The following ADAMTS9 variants were observed in gnomAD, a reference collection of about 807,000 sequenced individuals.
ADAMTS9 encodes ADAM metallopeptidase with thrombospondin type 1 motif 9.
In ADAMTS9, 107 loss-of-function variants were observed where a neutral mutation model predicts 257.1. That is an observed-to-expected ratio of 0.42 (90% CI 0.36 to 0.49). The LOEUF (loss-of-function observed/expected upper bound fraction) is 0.49, where lower values mean the gene tolerates loss of function less well. Ranked by LOEUF, ADAMTS9 falls within the 20% of genes least tolerant of loss-of-function variation. The probability of loss-of-function intolerance (pLI) is 0.03; values close to 1 mark genes in which losing one functional copy is unlikely to be tolerated. For missense variants in ADAMTS9, 2,353 were observed against 2,469.1 expected, an observed-to-expected ratio of 0.95 and a Z score of 1.00; for synonymous variants, 982 against 880.9, an observed-to-expected ratio of 1.11 and a Z score of -2.03.
At chr3:64,542,503 C>T (rs1270126603) in intron 32 of ADAMTS9, among the ~76,000 whole-genome samples, 2 of 149,254 alleles carry the variant, frequency 1.3e-5, no homozygotes, top group Admixed American at 6.9e-5. Flanking sequence ...TCACAGCTCA[C>T]GGCAATCTCC....
chr3:64,536,101 G>A (rs1235242854), intron 37 of ADAMTS9, among the ~76,000 whole-genome samples: 5 of 152,276 alleles, frequency 3.3e-5, no homozygotes, highest in East Asian at 1.9e-4. Flanking sequence ...CGACCTGGGC[G>A]TCCAGTGTCT....
intron 20 of ADAMTS9, 57 bp from the exon 21 acceptor site, chr3:64,615,542 G>A: frequency 6.6e-7 from 1 of 1,518,340 alleles, no homozygotes. Flanking sequence ...AAAGTATGCT[G>A]AAGATCCTGG....
At chr3:64,661,137 C>A (rs1199839041) in intron 3 of ADAMTS9, among the ~76,000 whole-genome samples, 1 of 152,154 alleles carries the variant, frequency 6.6e-6, no homozygotes, top group African/African-American at 2.4e-5. Context: ...TCTGAACAAA[C>A]TGTCAAACAA....
intron 8 of ADAMTS9, among the ~76,000 whole-genome samples, chr3:64,651,989 G>GA (rs1160025889): frequency 6.6e-6 from 1 of 151,756 alleles, no homozygotes; most frequent in Non-Finnish European, 1.5e-5. Flanking sequence ...AGCAGGAGTG[G>GA]AAAAAAAATA....
At chr3:64,529,603 A>G (rs1247635679) in intron 38 of ADAMTS9, among the ~76,000 whole-genome samples, 1 of 152,204 alleles carries the variant, frequency 6.6e-6, no homozygotes, top group Admixed American at 6.5e-5. Context: ...ATCGAGTGGG[A>G]ACAGGATATG....
rs2082783323 is a variant in ADAMTS9 at position 64,517,021 on chromosome 3, C to T, written c.*106G>A. On this transcript the variant is annotated 3_prime_UTR_variant, in exon 40 of 40. Transcript: ENST00000498707. ...CATTTACACACACAAGCATACAAGT[C>T]ACACACAAACACACACACACATACA... is the stretch of plus-strand genomic sequence containing the variant. The T allele has an allele frequency of 6.6e-6, 1 of 152,312 alleles. No homozygotes were observed. The highest frequency in any genetic ancestry group is 6.6e-5 in the Admixed American group (1 of 15,240). 9.4% of individuals were successfully genotyped at this position (152,312 alleles called of 1,614,324 possible). A position where few individuals can be genotyped will look rare whatever the true frequency, so the allele number is the denominator to read the frequency against.
chr3:64,545,893 G>T (rs143483570), intron 32 of ADAMTS9, among the ~76,000 whole-genome samples: 22 of 152,262 alleles, frequency 1.4e-4, no homozygotes, highest in African/African-American at 5.1e-4. Context: ...ACCATGCCTG[G>T]CTGCCTGACA....
chr3:64,593,847 G>A (rs558956351), intron 28 of ADAMTS9, among the ~76,000 whole-genome samples: 13 of 152,170 alleles, frequency 8.5e-5, no homozygotes, highest in African/African-American at 3.1e-4. Flanking sequence ...AATTGCTTTG[G>A]CCTCAGTAAG....
chr3:64,566,033 A>G (rs1189633177), intron 29 of ADAMTS9, among the ~76,000 whole-genome samples: 2 of 152,178 alleles, frequency 1.3e-5, no homozygotes, highest in African/African-American at 4.8e-5. Flanking sequence ...AGACCTTTCG[A>G]TGTGATGAGA....
At chr3:64,577,195 A>G (rs1178290730) in intron 28 of ADAMTS9, among the ~76,000 whole-genome samples, 2 of 152,152 alleles carry the variant, frequency 1.3e-5, no homozygotes, top group Non-Finnish European at 2.9e-5. Context: ...GCACCTGGTG[A>G]ATTCTATCGT....
At chr3:64,594,653 TTG>T (rs2084328235) in intron 27 of ADAMTS9, among the ~76,000 whole-genome samples, 1 of 152,234 alleles carries the variant, frequency 6.6e-6, no homozygotes, top group Non-Finnish European at 1.5e-5. Context: ...TTCTCTTAAC[TTG>T]CACTGAGGAC....
At chr3:64,685,684 T>C (rs1424002658) in intron 2 of ADAMTS9, among the ~76,000 whole-genome samples, 1 of 152,302 alleles carries the variant, frequency 6.6e-6, no homozygotes, top group East Asian at 1.9e-4. Flanking sequence ...CTAAATGCTA[T>C]TTGGCAGCGC....
chr3:64,655,452 C>T (rs1010477337), intron 6 of ADAMTS9, 124 bp downstream of exon 6: 5 of 777,416 alleles, frequency 6.4e-6, no homozygotes, highest in Middle Eastern at 2.4e-4. Context: ...TTGTCCAGCC[C>T]AAAATGTCAA....
At chr3:64,545,201 T>G (rs113480824) in intron 32 of ADAMTS9, among the ~76,000 whole-genome samples, 133,345 of 152,178 alleles carry the variant, frequency 0.88, 59,372 homozygotes, top group South Asian at 0.97. Flanking sequence ...ACAGTGTGGC[T>G]ATTCCTCAAG....
chr3:64,555,599 G>C (rs1008272015), intron 30 of ADAMTS9, among the ~76,000 whole-genome samples: 2 of 152,130 alleles, frequency 1.3e-5, no homozygotes, highest in Non-Finnish European at 2.9e-5. Context: ...AAGCAGTTGT[G>C]TTTGTAACAG....
intron 39 of ADAMTS9, among the ~76,000 whole-genome samples, chr3:64,518,836 G>C (rs2082815325): frequency 6.7e-6 from 1 of 149,526 alleles, no homozygotes; most frequent in Admixed American, 6.7e-5. Context: ...GCAGTGGCGG[G>C]GCGTGGTCTT....
intron 3 of ADAMTS9, among the ~76,000 whole-genome samples, chr3:64,669,942 C>A (rs1385548241): frequency 6.6e-6 from 1 of 152,126 alleles, no homozygotes; most frequent in Non-Finnish European, 1.5e-5. Flanking sequence ...AATTAGGAAA[C>A]TGGCTTGAAA....
chr3:64,561,953 G>A (rs1420504398), intron 29 of ADAMTS9, among the ~76,000 whole-genome samples: 2 of 152,084 alleles, frequency 1.3e-5, no homozygotes, highest in African/African-American at 4.8e-5. Context: ...TATCCACGCT[G>A]GAGAGTGAGG....
At chr3:64,669,138 G>A (rs922121900) in intron 3 of ADAMTS9, among the ~76,000 whole-genome samples, 4 of 152,162 alleles carry the variant, frequency 2.6e-5, no homozygotes, top group African/African-American at 9.7e-5. Flanking sequence ...GAAAAGGCTT[G>A]ATTGGTTTAT....
Sources: allele counts gnomAD v4.1 joint callset (sites outside exome capture counted in the v4.1 genomes callset), GRCh38; gene constraint gnomAD v4.1.1; transcripts MANE v1.5; gene names NCBI Gene and HGNC (gene_info 2026-07-23, HGNC 2026-07-21).